KANK1: variants seen among roughly 807,000 people sequenced by gnomAD.
KANK1 encodes the protein KN motif and ankyrin repeat domains 1, also known as KN motif and ankyrin repeat domain-containing protein 1.
A neutral mutation model predicts 106.2 loss-of-function variants in KANK1; 109 were observed. That is an observed-to-expected ratio of 1.03 (90% CI 0.88 to 1.20). KANK1 has a LOEUF of 1.20. Ranked by LOEUF, KANK1 falls within the 50% of genes most tolerant of loss-of-function variation. KANK1 has a pLI of 0.00. For synonymous variants in KANK1, 873 were observed against 652.2 expected (o/e 1.34, Z -5.16); for missense variants, 2,399 against 1,710.7 (o/e 1.40, Z -7.10).
chr9:568,226 A>G (rs1320969289), intron 1 of KANK1, among the ~76,000 whole-genome samples: 1 of 152,230 alleles, frequency 6.6e-6, no homozygotes, highest in African/African-American at 2.4e-5. Flanking sequence ...ACCAAAGGCA[A>G]AAATATTCAA....
intron 3 of KANK1, among the ~76,000 whole-genome samples, chr9:717,215 G>A (rs1827963651): frequency 6.6e-6 from 1 of 151,812 alleles, no homozygotes; most frequent in South Asian, 2.1e-4. Context: ...CGCCCTAGAG[G>A]TGGAGGCTGC....
chr9:739,159 C>T (rs1045216926), intron 8 of KANK1, among the ~76,000 whole-genome samples: 1 of 152,182 alleles, frequency 6.6e-6, no homozygotes, highest in African/African-American at 2.4e-5. Context: ...GGGGCACATA[C>T]ACAGATGGTA....
chr9:730,229 G>A lies in KANK1; in HGVS notation c.2877G>A (p.Gln959=), dbSNP rs145962665. ...TLSPVNLTDD[Q]IAAGLYACTN... ...CTCCAGTGAACCTGACAGACGACCAGATCGCCGCTGGCCTCTATGGTAACT... is the reference window on the plus strand; with the variant it reads ...CTCCAGTGAACCTGACAGACGACCAAATCGCCGCTGGCCTCTATGGTAACT... The change falls in exon 4 of 12, where the codon CAG becomes CAA. Residue 959 remains glutamine (Q), a synonymous_variant. Transcript: ENST00000382297. 6.2e-7 allele frequency: 1 copy of A among 1,614,206 alleles called. No individual in the cohort carries two copies. The highest frequency in any genetic ancestry group is 2.2e-5 in the East Asian group (1 of 44,886).
At chr9:515,218 G>A (rs954752178) in intron 1 of KANK1, among the ~76,000 whole-genome samples, 11 of 151,416 alleles carry the variant, frequency 7.3e-5, no homozygotes, top group African/African-American at 2.4e-4. Flanking sequence ...GGTGGCGGGA[G>A]CCTGTAGTCC....
chr9:695,578 G>A (rs1433243958), intron 2 of KANK1, among the ~76,000 whole-genome samples: 2 of 150,056 alleles, frequency 1.3e-5, no homozygotes, highest in African/African-American at 4.9e-5. Flanking sequence ...TCTTGAACAA[G>A]TATCACAAAT....
At chr9:713,968 A>G (rs1429889767) in intron 3 of KANK1, among the ~76,000 whole-genome samples, 1 of 152,154 alleles carries the variant, frequency 6.6e-6, no homozygotes, top group Non-Finnish European at 1.5e-5. Flanking sequence ...GCCAGGTGCA[A>G]TGGTACACAT....
intron 1 of KANK1, among the ~76,000 whole-genome samples, chr9:607,072 G>C (rs867208021): frequency 6.6e-6 from 1 of 151,766 alleles, no homozygotes. Flanking sequence ...TTAAAACAGG[G>C]TCTTAGACTA....
At chr9:744,975 G>T in intron 11 of KANK1, 198 bp from the exon 12 acceptor site, 1 of 1,479,598 alleles carries the variant, frequency 6.8e-7, no homozygotes, top group African/African-American at 1.4e-5. Flanking sequence ...GACTTCCCAG[G>T]ACAGCCGGAC....
At chr9:738,526 CCT>C (rs1395331096) in intron 8 of KANK1, 22 bp downstream of exon 8, 1 of 1,576,966 alleles carries the variant, frequency 6.3e-7, no homozygotes, top group East Asian at 2.2e-5. Context: ...GCCCTTCCAC[CCT>C]CTCTTCTCTA....
chr9:693,509 TGA>T (rs1386588645), intron 2 of KANK1: 75 of 985,320 alleles, frequency 7.6e-5, no homozygotes, highest in Non-Finnish European at 8.9e-5. Flanking sequence ...AGAAGGAAGA[TGA>T]GAGAGGGCTT....
chr9:713,153 G>C lies in KANK1; in HGVS notation c.2387G>C (p.Ser796Thr). ...GTGGGGCTGACAGCCAGCAGAAGGAGCGTGGGGGTTGGGGATGACCCTGTA... is the reference window on the plus strand; with the variant it reads ...GTGGGGCTGACAGCCAGCAGAAGGACCGTGGGGGTTGGGGATGACCCTGTA... ...LTVGLTASRR[S>T]VGVGDDPVGE... The change falls in exon 3 of 12, where the codon AGC becomes ACC. Residue 796 changes from serine (S) to threonine (T), a missense_variant. Coordinates refer to ENST00000382297, the MANE Select transcript of KANK1 (RefSeq NM_015158.5). 6.3e-7 allele frequency: 1 copy of C among 1,593,288 alleles called. No individual in the cohort carries two copies. The highest frequency in any genetic ancestry group is 2.2e-5 in the East Asian group (1 of 44,712).
chr9:693,814 AGAG>A (rs1820562668), intron 2 of KANK1: 4 of 985,294 alleles, frequency 4.1e-6, no homozygotes, highest in Non-Finnish European at 4.8e-6. Flanking sequence ...CAAAAGAAAG[AGAG>A]GAGGAGAGCA....
At chr9:607,902 G>A (rs944901625) in intron 1 of KANK1, among the ~76,000 whole-genome samples, 3 of 151,222 alleles carry the variant, frequency 2.0e-5, no homozygotes, top group Admixed American at 6.6e-5. Context: ...CCTTTACCTG[G>A]TTGTATTGTA....
At chr9:571,966 G>A (rs1404314039) in intron 1 of KANK1, among the ~76,000 whole-genome samples, 1 of 152,074 alleles carries the variant, frequency 6.6e-6, no homozygotes, top group African/African-American at 2.4e-5. Context: ...GTGGGTGTAG[G>A]TGCAGAACAA....
intron 1 of KANK1, among the ~76,000 whole-genome samples, chr9:641,510 G>C (rs1464218125): frequency 6.6e-6 from 1 of 152,170 alleles, no homozygotes; most frequent in Non-Finnish European, 1.5e-5. Context: ...TGCAAATGGA[G>C]CTGCTGCACA....
At chr9:487,215 C>T (rs1210966885) in intron 3 of KANK1, among the ~76,000 whole-genome samples, 4 of 152,186 alleles carry the variant, frequency 2.6e-5, no homozygotes, top group African/African-American at 9.7e-5. Context: ...TATGGTTTTT[C>T]AAATTTATGA....
At chr9:519,171 T>TGA (rs1213182494) in intron 1 of KANK1, among the ~76,000 whole-genome samples, 1 of 151,772 alleles carries the variant, frequency 6.6e-6, no homozygotes, top group Non-Finnish European at 1.5e-5. Context: ...ATTATAGGCA[T>TGA]GAGACACTGC....
intron 1 of KANK1, among the ~76,000 whole-genome samples, chr9:641,516 G>C (rs1376330579): frequency 2.0e-5 from 3 of 152,136 alleles, no homozygotes; most frequent in African/African-American, 7.2e-5. Context: ...TGGAGCTGCT[G>C]CACAAAGTTT....
rs186008774 is a variant in KANK1 at position 678,583 on chromosome 9, C to T, written c.37+1574C>T. On this transcript the variant is annotated intron_variant, in intron 2 of 11. Transcript: ENST00000382297. ...ATCTCTACAAAAATACAAAAATTAG[C>T]CAGGCATGGTGGCGCATGCCTGTAA... Among the ~76,000 whole-genome samples the T allele has an allele frequency of 2.3e-3, 352 of 152,150 alleles. 3 individuals are homozygous for T. The highest frequency in any genetic ancestry group is 4.1e-3 in the Non-Finnish European group (278 of 67,998).
Sources: allele counts gnomAD v4.1 joint callset (sites outside exome capture counted in the v4.1 genomes callset), GRCh38; gene constraint gnomAD v4.1.1; transcripts MANE v1.5; gene names NCBI Gene and HGNC (gene_info 2026-07-23, HGNC 2026-07-21).